Variants in CENPP observed in about 807,000 individuals in gnomAD.
CENPP encodes the protein centromere protein P.
Under a neutral mutation model 35.6 loss-of-function variants are expected in CENPP, and 24 were observed. The ratio of observed to expected loss-of-function variants is 0.67; its 90% CI spans 0.49 to 0.95. CENPP has a LOEUF of 0.95. Among genes scored for constraint, CENPP ranks in the 40% least tolerant of loss-of-function variants. The probability of loss-of-function intolerance (pLI) is 0.00; values close to 1 mark genes in which losing one functional copy is unlikely to be tolerated. For synonymous variants in CENPP, 120 were observed against 125.5 expected (o/e 0.96, Z 0.29); for missense variants, 332 against 345.3 (o/e 0.96, Z 0.31).
intron 5 of CENPP, among the ~76,000 whole-genome samples, chr9:92,569,604 C>T (rs770120598): frequency 3.3e-5 from 5 of 152,066 alleles, no homozygotes; most frequent in Non-Finnish European, 7.4e-5. Flanking sequence ...TAGTTTTTTC[C>T]AATTCTGTGA....
chr9:92,453,580 A>C (rs1844781401), intron 5 of CENPP, among the ~76,000 whole-genome samples: 1 of 152,154 alleles, frequency 6.6e-6, no homozygotes. Context: ...TATTCTGTTG[A>C]TTTGGGGTGG....
chr9:92,429,694 G>A (rs1482339285), intron 5 of CENPP, among the ~76,000 whole-genome samples: 2 of 152,126 alleles, frequency 1.3e-5, no homozygotes, highest in African/African-American at 4.8e-5. Context: ...GGTTGAGGCA[G>A]GAGAATTCCT....
At chr9:92,363,588 A>G (rs1282484913) in intron 4 of CENPP, among the ~76,000 whole-genome samples, 1 of 152,232 alleles carries the variant, frequency 6.6e-6, no homozygotes, top group African/African-American at 2.4e-5. Flanking sequence ...TGAATAAATC[A>G]TCTGACAATG....
chr9:92,332,767 C>T (rs1408043182), intron 2 of CENPP, among the ~76,000 whole-genome samples: 1 of 151,288 alleles, frequency 6.6e-6, no homozygotes, highest in African/African-American at 2.4e-5. Flanking sequence ...GAGATTGTGC[C>T]ATTGCACTCC....
At chr9:92,466,571 C>A in intron 5 of CENPP, 1 of 1,612,360 alleles carries the variant, frequency 6.2e-7, no homozygotes, top group Non-Finnish European at 8.5e-7. Flanking sequence ...AGGATCAGAC[C>A]CTTGATCAAG....
chr9:92,400,944 C>G, intron 5 of CENPP: 1 of 516,018 alleles, frequency 1.9e-6, no homozygotes, highest in Non-Finnish European at 3.4e-6. Context: ...AAATGGTGTG[C>G]ACTCCCAGTT....
chr9:92,453,076 G>T (rs1443386276), intron 5 of CENPP, among the ~76,000 whole-genome samples: 2 of 152,060 alleles, frequency 1.3e-5, no homozygotes, highest in Admixed American at 6.5e-5. Context: ...ATTTTTTGAA[G>T]GGTTTTTTAT....
In CENPP at chr9:92,337,533, C is replaced by CT; in HGVS notation, c.290-5dup. The CT allele has an allele frequency of 6.5e-7, 1 of 1,527,472 alleles. No homozygotes were observed. The allele number at this position is 1,527,472 out of a possible 1,614,324, so 94.6% of individuals were successfully genotyped here. The stretch of plus-strand genomic sequence containing the variant: ...TGCAAACAAAATATTTGTTTTTCTG[C>CT]TTTACAGGTATTAGAAAAGTTCTAC... On this transcript the variant is annotated splice_region_variant and splice_polypyrimidine_tract_variant and intron_variant, in intron 2 of 7. Coordinates refer to ENST00000375587, the MANE Select transcript of CENPP (RefSeq NM_001012267.3).
chr9:92,525,185 G>T (rs10992358), intron 5 of CENPP, among the ~76,000 whole-genome samples: 1 of 152,094 alleles, frequency 6.6e-6, no homozygotes, highest in African/African-American at 2.4e-5. Flanking sequence ...GGGCATGGTG[G>T]TGCATACCTG....
chr9:92,593,422 C>A lies in CENPP; in HGVS notation c.565-17892C>A, dbSNP rs1850709141. Among the ~76,000 whole-genome samples, 1 of 152,220 alleles carries A rather than the reference C, an allele frequency of 6.6e-6. No individual in the cohort carries two copies. Among genetic ancestry groups the A allele is most frequent in the African/African-American group, 2.4e-5 (1 of 41,448 alleles). ...CAGAAATATTTTTACTGAAATTACTCTAGGAAAGCAAAGCCGTTTTAGGAC... is the reference window on the plus strand; with the variant it reads ...CAGAAATATTTTTACTGAAATTACTATAGGAAAGCAAAGCCGTTTTAGGAC... On this transcript the variant is annotated intron_variant, in intron 5 of 7. Transcript: ENST00000375587. This position sits in a 1 kb window ranked among gnomAD's most constrained non-coding sequence, Gnocchi z 4.1.
At chr9:92,335,812 G>C (rs1409834264) in intron 2 of CENPP, among the ~76,000 whole-genome samples, 2 of 152,092 alleles carry the variant, frequency 1.3e-5, no homozygotes, top group Non-Finnish European at 2.9e-5. Flanking sequence ...CTCTAAATCA[G>C]GTCATTTAAG....
At chr9:92,382,883 ACT>A (rs1438623657) in intron 5 of CENPP, among the ~76,000 whole-genome samples, 1 of 138,678 alleles carries the variant, frequency 7.2e-6, no homozygotes, top group Non-Finnish European at 1.5e-5. Flanking sequence ...CTAGTACCAC[ACT>A]GTTTTCCTTT....
chr9:92,404,407 G>C, intron 5 of CENPP: 1 of 804,934 alleles, frequency 1.2e-6, no homozygotes, highest in Middle Eastern at 4.8e-4. Context: ...TTAAACCAGA[G>C]ATGGCCTTTA....
chr9:92,386,220 A>T (rs776247089), intron 5 of CENPP: 22 of 1,609,758 alleles, frequency 1.4e-5, no homozygotes, highest in Non-Finnish European at 1.9e-5. Flanking sequence ...AATTACACGT[A>T]GACTTTCTGG....
intron 5 of CENPP, among the ~76,000 whole-genome samples, chr9:92,446,226 A>G (rs1423080626): frequency 6.6e-6 from 1 of 152,142 alleles, no homozygotes; most frequent in Non-Finnish European, 1.5e-5. Context: ...TAGACCCTCT[A>G]TAATTTCATT....
intron 5 of CENPP, among the ~76,000 whole-genome samples, chr9:92,549,248 C>G (rs1002980278): frequency 6.6e-6 from 1 of 152,068 alleles, no homozygotes; most frequent in Admixed American, 6.6e-5. Context: ...ACAAGCAGGC[C>G]GATTTGGACT....
intron 4 of CENPP, among the ~76,000 whole-genome samples, chr9:92,346,496 A>T (rs183174853): frequency 6.6e-6 from 1 of 152,314 alleles, no homozygotes; most frequent in East Asian, 1.9e-4. Context: ...ATGGTGTAAG[A>T]TGAGGTTAGG....
Position 92,591,490 on chromosome 9 carries a change from C to T in CENPP, c.565-19824C>T, listed in dbSNP as rs549551351. Among the ~76,000 whole-genome samples, 8 of 151,504 alleles carry T rather than the reference C, an allele frequency of 5.3e-5. No homozygotes were observed. The East Asian group carries it at 1.5e-3, about 29-fold the overall frequency. Reference sequence around the variant, plus strand: ...AAACCATACTTGTTGGAAGATATGCCCTTGTGTGTCAATCCTAACTCAAGA... The same window carrying T: ...AAACCATACTTGTTGGAAGATATGCTCTTGTGTGTCAATCCTAACTCAAGA... On this transcript the variant is annotated intron_variant, in intron 5 of 7. Coordinates refer to ENST00000375587, the MANE Select transcript of CENPP (RefSeq NM_001012267.3).
intron 5 of CENPP, among the ~76,000 whole-genome samples, chr9:92,547,035 T>C (rs1336881581): frequency 6.6e-6 from 1 of 152,130 alleles, no homozygotes; most frequent in Non-Finnish European, 1.5e-5. Context: ...AAAATACGTA[T>C]ATATTAGCAG....
Sources: gnomAD v4.1 joint callset for allele counts (sites outside exome capture counted in the v4.1 genomes callset) on GRCh38, gnomAD v4.1.1 for gene constraint, Gnocchi (gnomAD v3.1) non-coding constraint, MANE v1.5 for transcripts, NCBI Gene and HGNC (gene_info 2026-07-23, HGNC 2026-07-21) for gene names.